RAD51B: variants seen among roughly 807,000 people sequenced by gnomAD.
RAD51B encodes RAD51 paralog B.
Under a neutral mutation model 42.2 loss-of-function variants are expected in RAD51B, and 38 were observed. The ratio of observed to expected loss-of-function variants is 0.90; its 90% CI spans 0.70 to 1.18. RAD51B has a LOEUF of 1.18. RAD51B is among the 50% of genes most tolerant of loss of function. The probability of loss-of-function intolerance (pLI) is 0.00; values close to 1 mark genes in which losing one functional copy is unlikely to be tolerated. For missense variants in RAD51B, 373 were observed against 400.7 expected (o/e 0.93, Z 0.59); for synonymous variants, 154 against 145.2 (o/e 1.06, Z -0.43).
chr14:68,077,896 C>T (rs566303890), intron 7 of RAD51B, among the ~76,000 whole-genome samples: 1 of 152,204 alleles, frequency 6.6e-6, no homozygotes, highest in African/African-American at 2.4e-5. Context: ...GTGGAGGTTG[C>T]AGTGAGCCAA....
intron 7 of RAD51B, among the ~76,000 whole-genome samples, chr14:68,122,480 G>A (rs2077670042): frequency 6.6e-6 from 1 of 152,092 alleles, no homozygotes; most frequent in African/African-American, 2.4e-5. Flanking sequence ...CTTCCCTCCT[G>A]ATGAAAATTA....
intron 9 of RAD51B, among the ~76,000 whole-genome samples, chr14:68,429,285 G>A (rs1298968734): frequency 6.6e-6 from 1 of 152,142 alleles, no homozygotes; most frequent in Non-Finnish European, 1.5e-5. Flanking sequence ...TGGGATGGCT[G>A]GGTCAAATGG....
At chr14:68,243,238 T>C (rs778918322) in intron 7 of RAD51B, among the ~76,000 whole-genome samples, 3 of 152,226 alleles carry the variant, frequency 2.0e-5, no homozygotes, top group Non-Finnish European at 2.9e-5. Context: ...TCTCTTTTTT[T>C]CTAGCTAGGG....
At chr14:67,976,749 A>G (rs1454666304) in intron 7 of RAD51B, among the ~76,000 whole-genome samples, 1 of 152,198 alleles carries the variant, frequency 6.6e-6, no homozygotes, top group Non-Finnish European at 1.5e-5. Flanking sequence ...TCTGCACAGC[A>G]AAAGAAACTA....
At chr14:68,428,149 TTC>T (rs1230701604) in intron 9 of RAD51B, among the ~76,000 whole-genome samples, 6 of 152,178 alleles carry the variant, frequency 3.9e-5, no homozygotes, top group Non-Finnish European at 8.8e-5. Flanking sequence ...AGAAATAAAT[TTC>T]TGTTCATTAT....
chr14:68,542,408 T>C (rs1367336100), intron 10 of RAD51B, among the ~76,000 whole-genome samples: 2 of 152,226 alleles, frequency 1.3e-5, no homozygotes, highest in Non-Finnish European at 2.9e-5. Flanking sequence ...ATTGTTTCCA[T>C]GCAGGAATAT....
chr14:68,030,412 C>T (rs1020194724), intron 7 of RAD51B, among the ~76,000 whole-genome samples: 1 of 152,186 alleles, frequency 6.6e-6, no homozygotes, highest in African/African-American at 2.4e-5. Flanking sequence ...ATCAGTACTT[C>T]CTGCTTCACC....
At chr14:68,054,329 T>C (rs2076440183) in intron 7 of RAD51B, among the ~76,000 whole-genome samples, 2 of 152,224 alleles carry the variant, frequency 1.3e-5, no homozygotes, top group Admixed American at 6.5e-5. Flanking sequence ...TTTTATTTTA[T>C]AAAAAGCTGC....
At chr14:68,356,771 G>A (rs2082913935) in intron 8 of RAD51B, among the ~76,000 whole-genome samples, 1 of 151,790 alleles carries the variant, frequency 6.6e-6, no homozygotes, top group South Asian at 2.1e-4. Context: ...CACGAGGTCA[G>A]GAGATCGAGA....
chr14:68,070,861 A>G (rs2076729333), intron 7 of RAD51B, among the ~76,000 whole-genome samples: 1 of 151,236 alleles, frequency 6.6e-6, no homozygotes, highest in African/African-American at 2.4e-5. Flanking sequence ...GAATCTGTGT[A>G]TTGCTTTTGG....
At chr14:68,569,189 G>C (rs753324595) in intron 10 of RAD51B, among the ~76,000 whole-genome samples, 58 of 152,370 alleles carry the variant, frequency 3.8e-4, no homozygotes, top group Non-Finnish European at 7.2e-4. Flanking sequence ...TGCAGGGAGA[G>C]CTAAGATCTC....
intron 7 of RAD51B, among the ~76,000 whole-genome samples, chr14:68,108,053 G>A (rs2077402790): frequency 6.6e-6 from 1 of 151,740 alleles, no homozygotes. Flanking sequence ...ATGTGCAAAT[G>A]GCCAATAAGC....
At chr14:68,337,219 C>A (rs2082474296) in intron 8 of RAD51B, among the ~76,000 whole-genome samples, 1 of 151,854 alleles carries the variant, frequency 6.6e-6, no homozygotes, top group African/African-American at 2.4e-5. Flanking sequence ...TTTGTTGGTG[C>A]CTATCCTAGC....
chr14:68,156,231 A>C (rs1012707258), intron 7 of RAD51B, among the ~76,000 whole-genome samples: 1 of 152,200 alleles, frequency 6.6e-6, no homozygotes, highest in Non-Finnish European at 1.5e-5. Flanking sequence ...TGCATGCGCC[A>C]AGTGTTTGAG....
At chr14:68,245,392 A>G (rs2080474612) in intron 7 of RAD51B, among the ~76,000 whole-genome samples, 1 of 152,212 alleles carries the variant, frequency 6.6e-6, no homozygotes, top group African/African-American at 2.4e-5. Flanking sequence ...CTGGGTTCCT[A>G]CTGGAAACCC....
chr14:67,973,492 A>G (rs1166287071), intron 7 of RAD51B, among the ~76,000 whole-genome samples: 4 of 151,912 alleles, frequency 2.6e-5, no homozygotes, highest in Non-Finnish European at 4.4e-5. Context: ...TTTGCATTAT[A>G]TATTCCTATT....
At chr14:68,502,090 C>G (rs1884964741) in intron 10 of RAD51B, among the ~76,000 whole-genome samples, 1 of 152,232 alleles carries the variant, frequency 6.6e-6, no homozygotes, top group Non-Finnish European at 1.5e-5. Flanking sequence ...GAGGGGACGT[C>G]AATGTGCTTC....
chr14:68,232,118 C>T (rs2080161244), intron 7 of RAD51B, among the ~76,000 whole-genome samples: 1 of 152,070 alleles, frequency 6.6e-6, no homozygotes, highest in African/African-American at 2.4e-5. Flanking sequence ...GCCTTCCTGA[C>T]ATCAGTAAAA....
chr14:68,465,951 A>AATAAAT lies in RAD51B; in HGVS notation c.958-2220_958-2219insTAAATA, dbSNP rs10691924. 8.8e-3 allele frequency among the ~76,000 whole-genome samples: 791 copies of AATAAAT among 90,302 alleles called. 4 individuals carry two copies. The highest frequency in any genetic ancestry group is 0.013 in the Non-Finnish European group (474 of 35,638). The allele number at this position is 90,302 out of a possible 152,430, so 59.2% of individuals were successfully genotyped here. On this transcript the variant is annotated intron_variant, in intron 9 of 10. Coordinates refer to ENST00000471583, the MANE Select transcript of RAD51B (RefSeq NM_133510.4). The stretch of plus-strand genomic sequence containing the variant: ...GCTAGACTCTGTCTCAAAAAAAAAA[A>AATAAAT]AAATAAATAAATAAATAAATAAATA...
Sources: allele counts gnomAD v4.1 joint callset (sites outside exome capture counted in the v4.1 genomes callset), GRCh38; gene constraint gnomAD v4.1.1; transcripts MANE v1.5; gene names NCBI Gene and HGNC (gene_info 2026-07-23, HGNC 2026-07-21).